KIFAP3: variants seen among roughly 807,000 people sequenced by gnomAD.
KIFAP3 encodes kinesin-associated protein 3.
KIFAP3 carries 68 observed loss-of-function variants against 106.5 expected under a neutral mutation model. The observed-to-expected ratio is 0.64, with a 90% CI of 0.53 to 0.78. The LOEUF (loss-of-function observed/expected upper bound fraction) is 0.78. Ranked by LOEUF, KIFAP3 falls within the 30% of genes least tolerant of loss-of-function variation. KIFAP3 has a pLI of 0.00. For synonymous variants in KIFAP3, 320 were observed against 311.5 expected, an observed-to-expected ratio of 1.03 and a Z score of -0.29; for missense variants, 780 against 941.8, an observed-to-expected ratio of 0.83 and a Z score of 2.25.
chr1:170,036,483 G>A (rs967930120), intron 5 of KIFAP3, among the ~76,000 whole-genome samples: 3 of 152,146 alleles, frequency 2.0e-5, no homozygotes, highest in African/African-American at 7.2e-5. Flanking sequence ...GCATTTCACA[G>A]TATTATTCAC....
chr1:170,046,908 G>C, intron 2 of KIFAP3, 42 bp from the exon 3 acceptor site: 1 of 1,332,748 alleles, frequency 7.5e-7, no homozygotes, highest in Non-Finnish European at 1.0e-6. Flanking sequence ...TATTATAAAA[G>C]TAATAACTTC....
chr1:169,929,650 A>G (rs1386827757), intron 19 of KIFAP3, among the ~76,000 whole-genome samples: 1 of 152,084 alleles, frequency 6.6e-6, no homozygotes, highest in Non-Finnish European at 1.5e-5. Flanking sequence ...ATTTAGTTTT[A>G]TTCTTAATCT....
intron 1 of KIFAP3, among the ~76,000 whole-genome samples, chr1:170,056,568 T>C (rs1280147800): frequency 2.6e-5 from 4 of 152,204 alleles, no homozygotes; most frequent in Non-Finnish European, 5.9e-5. Flanking sequence ...TCTTTTAGCC[T>C]GATAAGAAAA....
intron 1 of KIFAP3, among the ~76,000 whole-genome samples, chr1:170,080,252 T>C (rs1323264209): frequency 6.6e-6 from 1 of 152,022 alleles, no homozygotes; most frequent in Non-Finnish European, 1.5e-5. Context: ...GAAACAGCAC[T>C]AAGAGAAATT....
At chr1:170,024,900 T>C (rs375231167) in intron 8 of KIFAP3, among the ~76,000 whole-genome samples, 1 of 151,976 alleles carries the variant, frequency 6.6e-6, no homozygotes, top group South Asian at 2.1e-4. Flanking sequence ...TAGAGTTTAA[T>C]AGAAATCAAA....
chr1:169,945,301 G>A (rs186669186), intron 19 of KIFAP3, among the ~76,000 whole-genome samples: 1 of 152,188 alleles, frequency 6.6e-6, no homozygotes, highest in African/African-American at 2.4e-5. Flanking sequence ...TTCCGAACCT[G>A]CAGGGGCAGG....
At chr1:169,999,560 G>A (rs1667555540) in intron 10 of KIFAP3, among the ~76,000 whole-genome samples, 1 of 152,064 alleles carries the variant, frequency 6.6e-6, no homozygotes, top group African/African-American at 2.4e-5. Context: ...AAGTAATAAG[G>A]GCAGGGTAGA....
chr1:169,976,073 T>C (rs1220476335), intron 16 of KIFAP3, among the ~76,000 whole-genome samples: 14 of 152,152 alleles, frequency 9.2e-5, no homozygotes, highest in African/African-American at 3.4e-4. Context: ...AGGTACTAAA[T>C]GTACATTTTA....
At chr1:170,024,317 A>G in intron 9 of KIFAP3, 101 bp downstream of exon 9, 1 of 666,924 alleles carries the variant, frequency 1.5e-6, no homozygotes, top group Non-Finnish European at 2.4e-6. Context: ...CTTTATTCAG[A>G]ATTATCTCGG....
chr1:170,069,333 T>C (rs202120338), intron 1 of KIFAP3, among the ~76,000 whole-genome samples: 1 of 152,032 alleles, frequency 6.6e-6, no homozygotes, highest in African/African-American at 2.4e-5. Flanking sequence ...GATATAACAG[T>C]AGAGGAAACA....
intron 10 of KIFAP3, among the ~76,000 whole-genome samples, chr1:170,004,229 A>T (rs1255206464): frequency 6.6e-6 from 1 of 152,032 alleles, no homozygotes; most frequent in Non-Finnish European, 1.5e-5. Flanking sequence ...ATGGAAGAAC[A>T]TTCCATGCTC....
At chr1:169,987,694 G>C (rs1666900359) in intron 11 of KIFAP3, among the ~76,000 whole-genome samples, 1 of 152,110 alleles carries the variant, frequency 6.6e-6, no homozygotes, top group South Asian at 2.1e-4. Context: ...GGACAACTGT[G>C]GTGGAAAACA....
intron 19 of KIFAP3, among the ~76,000 whole-genome samples, chr1:169,943,092 T>C (rs1664231223): frequency 6.6e-6 from 1 of 152,148 alleles, no homozygotes; most frequent in South Asian, 2.1e-4. Flanking sequence ...TACTTAATAA[T>C]TCATCTACAA....
At chr1:169,931,789 G>C (rs1454820341) in intron 19 of KIFAP3, among the ~76,000 whole-genome samples, 5 of 152,144 alleles carry the variant, frequency 3.3e-5, no homozygotes, top group African/African-American at 1.2e-4. Context: ...CATGTAAGTA[G>C]CAATGTTTTT....
chr1:170,027,870 C>T (rs1001209200), intron 8 of KIFAP3, among the ~76,000 whole-genome samples: 3 of 151,752 alleles, frequency 2.0e-5, no homozygotes, highest in Non-Finnish European at 2.9e-5. Flanking sequence ...ATAAATTGCT[C>T]AAAACGAATG....
chr1:169,991,005 A>T (rs1667069883), intron 11 of KIFAP3, among the ~76,000 whole-genome samples: 1 of 152,082 alleles, frequency 6.6e-6, no homozygotes, highest in South Asian at 2.1e-4. Flanking sequence ...ATATACATTG[A>T]TCTTATTTGT....
chr1:170,017,927 G>A (rs1258281991), intron 9 of KIFAP3, among the ~76,000 whole-genome samples: 2 of 152,188 alleles, frequency 1.3e-5, no homozygotes, highest in African/African-American at 2.4e-5. Context: ...GGTACTCAGT[G>A]AATATTTAAA....
At chr1:170,066,419 G>T (rs1671449526) in intron 1 of KIFAP3, among the ~76,000 whole-genome samples, 1 of 152,038 alleles carries the variant, frequency 6.6e-6, no homozygotes, top group South Asian at 2.1e-4. Flanking sequence ...AGAAACAGAG[G>T]ATTAAGGTAA....
chr1:170,036,399 C>T (rs1669695643), intron 5 of KIFAP3, among the ~76,000 whole-genome samples: 1 of 151,918 alleles, frequency 6.6e-6, no homozygotes, highest in Non-Finnish European at 1.5e-5. Flanking sequence ...AGACTATGAA[C>T]AAAAATTGAT....
Sources: allele counts gnomAD v4.1 joint callset (sites outside exome capture counted in the v4.1 genomes callset), GRCh38; gene constraint gnomAD v4.1.1; transcripts MANE v1.5; gene names NCBI Gene and HGNC (gene_info 2026-07-23, HGNC 2026-07-21).